PTPN3: variants seen among roughly 807,000 people sequenced by gnomAD.
PTPN3 encodes tyrosine-protein phosphatase non-receptor type 3.
A neutral mutation model predicts 132.7 loss-of-function variants in PTPN3; 96 were observed. The ratio of observed to expected loss-of-function variants is 0.72; its 90% confidence interval spans 0.61 to 0.86. The LOEUF (loss-of-function observed/expected upper bound fraction) is 0.86. PTPN3 is among the 40% of genes least tolerant of loss of function. The pLI is 0.00. For missense variants in PTPN3, 1,125 were observed against 1,159.6 expected (o/e 0.97, Z 0.43); for synonymous variants, 398 against 429.0 (o/e 0.93, Z 0.89).
At chr9:109,434,443 G>C (rs548064214) in intron 9 of PTPN3, among the ~76,000 whole-genome samples, 4 of 150,754 alleles carry the variant, frequency 2.7e-5, no homozygotes, top group African/African-American at 9.7e-5. Context: ...AAGTAGCTGG[G>C]ACTACAGGCA....
chr9:109,489,469 G>A (rs13284736), intron 1 of PTPN3, among the ~76,000 whole-genome samples: 1 of 152,032 alleles, frequency 6.6e-6, no homozygotes, highest in Non-Finnish European at 1.5e-5. Flanking sequence ...TCTCAACCTC[G>A]AAGTCACTCT....
At chr9:109,408,796 A>AATATATATATATATATAT (rs1219154297) in intron 16 of PTPN3, among the ~76,000 whole-genome samples, 2 of 108,358 alleles carry the variant, frequency 1.8e-5, no homozygotes, top group African/African-American at 7.4e-5. Context: ...AAAAAAAAAA[A>AATATATATATATATATAT]ATATATATAT....
the PTPN3 span, among the ~76,000 whole-genome samples, chr9:109,533,144 T>C: frequency 1.0e-5 from 1 of 100,246 alleles, no homozygotes; most frequent in Non-Finnish European, 2.0e-5. Flanking sequence ...TTTTTTTTTT[T>C]TTTTTTTTTT....
At chr9:109,393,508 TC>T (rs1840310203) in intron 19 of PTPN3, among the ~76,000 whole-genome samples, 1 of 150,752 alleles carries the variant, frequency 6.6e-6, no homozygotes, top group Admixed American at 6.6e-5. Context: ...TGCCTCAGCC[TC>T]CTGAGTAGCT....
the PTPN3 span, among the ~76,000 whole-genome samples, chr9:109,515,163 C>T: frequency 6.6e-6 from 1 of 152,162 alleles, no homozygotes; most frequent in East Asian, 1.9e-4. Context: ...GCTGGGACTA[C>T]AGGCACATGC....
the PTPN3 span, among the ~76,000 whole-genome samples, chr9:109,524,131 C>G: frequency 7.5e-3 from 1,146 of 152,190 alleles, 14 homozygotes; most frequent in African/African-American, 0.026. Context: ...GTGGTCCCAG[C>G]TACTCAGGAG....
intron 14 of PTPN3, 62 bp downstream of exon 14, chr9:109,420,362 G>A (rs1842806469): frequency 1.3e-6 from 2 of 1,513,354 alleles, no homozygotes; most frequent in Admixed American, 3.8e-5. Context: ...ACCTGGACCT[G>A]AGCAAATTCC....
At position 109,498,257 on chromosome 9, in the gene PTPN3, C is replaced by CGCGT. The variant is rs1847778877; in HGVS notation, c.-60_-57dup. 6.8e-6 allele frequency: 1 copy of CGCGT among 146,452 alleles called. No individual in the cohort carries two copies. Among genetic ancestry groups the CGCGT allele is most frequent in the Non-Finnish European group, 1.5e-5 (1 of 65,872 alleles). The allele number at this position is 146,452 out of a possible 1,614,324, so 9.1% of individuals were successfully genotyped here. ...GGGCGCGGAGCGCCCAGGTAGGTCG[C>CGCGT]GCGTGCGGGCGGCGCGGAAGCTCGC... is the stretch of plus-strand genomic sequence containing the variant. On this transcript the variant is annotated 5_prime_UTR_variant, in exon 1 of 26. Transcript: ENST00000374541. This position sits in a 1 kb window ranked among gnomAD's most constrained non-coding sequence, Gnocchi z 4.2.
At chr9:109,473,127 G>A (rs926018915) in intron 1 of PTPN3, among the ~76,000 whole-genome samples, 1 of 152,166 alleles carries the variant, frequency 6.6e-6, no homozygotes, top group Admixed American at 6.5e-5. Context: ...GCACAAGGGA[G>A]ACACACTCAC....
At chr9:109,479,534 C>A (rs140126100) in intron 1 of PTPN3, among the ~76,000 whole-genome samples, 11 of 152,302 alleles carry the variant, frequency 7.2e-5, no homozygotes, top group African/African-American at 2.6e-4. Context: ...CAGGTATATA[C>A]GTAGGAGTAG....
chr9:109,385,180 C>T (rs940553828), intron 22 of PTPN3, among the ~76,000 whole-genome samples: 2 of 152,342 alleles, frequency 1.3e-5, no homozygotes, highest in South Asian at 2.1e-4. Context: ...CTCTCTTTAC[C>T]TCTGACCAAA....
chr9:109,432,353 T>C (rs759623583), intron 10 of PTPN3, among the ~76,000 whole-genome samples: 13 of 152,140 alleles, frequency 8.5e-5, no homozygotes, highest in Non-Finnish European at 1.8e-4. Context: ...CAAAACTCCG[T>C]GTTTTTTCCC....
chr9:109,408,796 AATAT>A (rs1219154297), intron 16 of PTPN3, among the ~76,000 whole-genome samples: 2,845 of 108,344 alleles, frequency 0.026, 57 homozygotes, highest in Non-Finnish European at 0.035. Flanking sequence ...AAAAAAAAAA[AATAT>A]ATATATATAT....
At chr9:109,502,088 A>G (rs185418973), upstream of PTPN3, among the ~76,000 whole-genome samples, 3 of 152,368 alleles carry the variant, frequency 2.0e-5, no homozygotes, top group Admixed American at 6.5e-5. Context: ...CTGAATATAC[A>G]TCACAGGTAA....
intron 2 of PTPN3, among the ~76,000 whole-genome samples, chr9:109,460,005 G>A (rs1311633061): frequency 6.6e-6 from 1 of 151,620 alleles, no homozygotes; most frequent in Non-Finnish European, 1.5e-5. Context: ...CCCCAGCCTG[G>A]ACCCATCCCC....
At chr9:109,450,632 G>A in intron 5 of PTPN3, 1 of 985,254 alleles carries the variant, frequency 1.0e-6, no homozygotes, top group Non-Finnish European at 1.2e-6. Context: ...AAGGAGCCTA[G>A]TTTTGAGATT....
At chr9:109,399,940 C>CT (rs1231862931) in intron 19 of PTPN3, among the ~76,000 whole-genome samples, 4,723 of 136,272 alleles carry the variant, frequency 0.035, 141 homozygotes, top group African/African-American at 0.083. Context: ...ACACAGTTAC[C>CT]TTTTTTTTTT....
At chr9:109,527,110 G>A in the PTPN3 span, among the ~76,000 whole-genome samples, 1 of 152,178 alleles carries the variant, frequency 6.6e-6, no homozygotes, top group African/African-American at 2.4e-5. Flanking sequence ...TTAAAAATAG[G>A]ATACAAAAAA....
At chr9:109,401,402 T>G (rs1841087420) in intron 19 of PTPN3, among the ~76,000 whole-genome samples, 1 of 152,188 alleles carries the variant, frequency 6.6e-6, no homozygotes, top group Admixed American at 6.5e-5. Context: ...CCAGGTGATC[T>G]CCATACAAGT....
Sources: gnomAD v4.1 joint callset for allele counts (sites outside exome capture counted in the v4.1 genomes callset) on GRCh38, gnomAD v4.1.1 for gene constraint, Gnocchi (gnomAD v3.1) non-coding constraint, MANE v1.5 for transcripts, NCBI Gene and HGNC (gene_info 2026-07-23, HGNC 2026-07-21) for gene names.